Variants in CSMD2 observed in about 807,000 individuals in gnomAD.
CSMD2 encodes CUB and sushi domain-containing protein 2.
CSMD2 carries 130 observed loss-of-function variants against 398.5 expected under a neutral mutation model. That is an observed-to-expected ratio of 0.33 (90% CI 0.28 to 0.38). The LOEUF (loss-of-function observed/expected upper bound fraction) is 0.38, where lower values mean the gene tolerates loss of function less well. CSMD2 is among the 10% of genes least tolerant of loss of function. The pLI is 1.00. For synonymous variants in CSMD2, 1,828 were observed against 1,908.5 expected (o/e 0.96, Z 1.10); for missense variants, 3,829 against 4,764.9 (o/e 0.80, Z 5.78).
chr1:33,616,163 C>T (rs1048014585), intron 39 of CSMD2, among the ~76,000 whole-genome samples: 2 of 152,186 alleles, frequency 1.3e-5, no homozygotes, highest in Non-Finnish European at 2.9e-5. Context: ...TCATCACTGC[C>T]GTAGCACAGG....
intron 27 of CSMD2, among the ~76,000 whole-genome samples, chr1:33,654,880 A>C (rs528093400): frequency 6.6e-6 from 1 of 152,258 alleles, no homozygotes; most frequent in Admixed American, 6.5e-5. Context: ...GTGTTTCTGA[A>C]ACTGCCCCTG....
In CSMD2 at chr1:33,825,662, AGGCCCGGCAGGCGGGCTGGCGG is replaced by A; in HGVS notation, c.1111+13_1111+34del. On this transcript the variant is annotated intron_variant, in intron 7 of 70. Transcript: ENST00000373381. ...GCCTGCACGTGTGACCTCAAGCAAG[AGGCCCGGCAGGCGGGCTGGCGG>A]GCGGACACTTACACACAGACGTCTT... The A allele has an allele frequency of 6.3e-7, 1 of 1,596,150 alleles. No homozygotes were observed. Among genetic ancestry groups the A allele is most frequent in the African/African-American group, 1.3e-5 (1 of 74,708 alleles).
At chr1:33,759,324 CTTTTTTTTTTTT>C (rs756784492) in intron 13 of CSMD2, among the ~76,000 whole-genome samples, 1 of 124,782 alleles carries the variant, frequency 8.0e-6, no homozygotes, top group East Asian at 2.3e-4. Context: ...CTTTTTTTTT[CTTTTTTTTTTTT>C]TTTTTTTGAG....
chr1:33,754,023 C>G (rs868568753), intron 13 of CSMD2, among the ~76,000 whole-genome samples: 30 of 152,242 alleles, frequency 2.0e-4, no homozygotes, highest in African/African-American at 7.0e-4. Flanking sequence ...AGACTTAGGA[C>G]TTTTGGGTTC....
chr1:34,031,734 T>C (rs146799813), intron 3 of CSMD2, among the ~76,000 whole-genome samples: 164 of 141,524 alleles, frequency 1.2e-3, no homozygotes, highest in African/African-American at 4.0e-3. Flanking sequence ...AAGCATCGCT[T>C]ACTCTTTAAG....
chr1:33,756,319 G>A (rs577337174), intron 13 of CSMD2, among the ~76,000 whole-genome samples: 17 of 152,260 alleles, frequency 1.1e-4, no homozygotes, highest in African/African-American at 3.1e-4. Context: ...ATGGAGTGAC[G>A]GAGCACCTGC....
intron 53 of CSMD2, among the ~76,000 whole-genome samples, chr1:33,560,891 G>A (rs1658476692): frequency 6.6e-6 from 1 of 152,238 alleles, no homozygotes; most frequent in African/African-American, 2.4e-5. Context: ...ATGAGTAAGT[G>A]CATGAATGGA....
intron 10 of CSMD2, among the ~76,000 whole-genome samples, chr1:33,807,075 A>G (rs926325768): frequency 2.6e-5 from 4 of 152,230 alleles, no homozygotes; most frequent in Non-Finnish European, 5.9e-5. Context: ...ATAACATTAA[A>G]GAACAAGAAA....
chr1:33,900,825 A>C (rs1484145047), intron 5 of CSMD2, among the ~76,000 whole-genome samples: 2 of 152,228 alleles, frequency 1.3e-5, no homozygotes, highest in African/African-American at 4.8e-5. Context: ...GAGACCATGC[A>C]TATAAAAACC....
At chr1:33,874,995 A>G (rs1226897675) in intron 5 of CSMD2, among the ~76,000 whole-genome samples, 2 of 152,122 alleles carry the variant, frequency 1.3e-5, no homozygotes, top group African/African-American at 2.4e-5. Context: ...GGGTGAGGGA[A>G]CTTCCATGTG....
chr1:33,850,188 C>T (rs1225043897), intron 5 of CSMD2, among the ~76,000 whole-genome samples: 4 of 152,122 alleles, frequency 2.6e-5, no homozygotes, highest in South Asian at 2.1e-4. Context: ...GAAGCCTTCC[C>T]GGTTTGACTC....
At position 34,163,262 on chromosome 1, in the gene CSMD2, G is replaced by A. The variant is rs377363044; in HGVS notation, c.187+1649C>T. The stretch of plus-strand genomic sequence containing the variant: ...CCCACCGCCCATGTGGCAAGTCTGG[G>A]TGACCAGCAGCGTCGGTATGCACAG... On this transcript the variant is annotated intron_variant, in intron 1 of 70. Coordinates refer to ENST00000373381, the MANE Select transcript of CSMD2 (RefSeq NM_001281956.2). The surrounding 1 kb of genome is among the most constrained non-coding windows in gnomAD (Gnocchi z 5.4). Among the ~76,000 whole-genome samples the A allele has an allele frequency of 5.9e-5, 9 of 152,252 alleles. No homozygotes were observed. In the East Asian group the frequency reaches 1.7e-3, roughly 29 times the overall value.
chr1:33,640,446 G>A (rs934278926), intron 29 of CSMD2, among the ~76,000 whole-genome samples: 2 of 152,168 alleles, frequency 1.3e-5, no homozygotes, highest in East Asian at 1.9e-4. Flanking sequence ...CCCACAGGTC[G>A]GTGGCTGCCT....
At chr1:33,548,390 G>C (rs1289723552) in intron 56 of CSMD2, among the ~76,000 whole-genome samples, 1 of 152,190 alleles carries the variant, frequency 6.6e-6, no homozygotes, top group Non-Finnish European at 1.5e-5. Flanking sequence ...GAGGCAAAGA[G>C]AATGACAGTG....
At chr1:33,996,747 G>T (rs1006284471) in intron 3 of CSMD2, among the ~76,000 whole-genome samples, 1 of 144,218 alleles carries the variant, frequency 6.9e-6, no homozygotes, top group African/African-American at 2.5e-5. Context: ...AAGCAGAAAA[G>T]AAAAAGGAAG....
intron 41 of CSMD2, among the ~76,000 whole-genome samples, chr1:33,609,002 G>A (rs756393776): frequency 9.9e-5 from 15 of 152,188 alleles, no homozygotes; most frequent in African/African-American, 2.2e-4. Flanking sequence ...CATCCGACGC[G>A]TCATGACCTG....
chr1:33,834,027 C>T (rs1263002295), intron 6 of CSMD2, among the ~76,000 whole-genome samples: 3 of 146,206 alleles, frequency 2.1e-5, no homozygotes, highest in Non-Finnish European at 3.0e-5. Flanking sequence ...AAGAACATTC[C>T]ATGCTCATGG....
chr1:33,616,793 C>T lies in CSMD2; in HGVS notation c.6016+113G>A, dbSNP rs531560781. ...TTAAAATGACTGACTTGGAACAAAT[C>T]CAGAATATCAAACTTTCTTCTGATT... On this transcript the variant is annotated intron_variant, in intron 39 of 70. Transcript: ENST00000373381. 3.0e-5 allele frequency: 23 copies of T among 774,708 alleles called. 2 individuals are homozygous for T. The South Asian group carries it at 4.1e-4, about 14-fold the overall frequency. 48.0% of individuals were successfully genotyped at this position (774,708 alleles called of 1,614,324 possible).
intron 1 of CSMD2, among the ~76,000 whole-genome samples, chr1:34,092,448 C>T (rs1040786162): frequency 6.6e-6 from 1 of 152,156 alleles, no homozygotes; most frequent in African/African-American, 2.4e-5. Flanking sequence ...CAGCTCCCAG[C>T]GTGAGCGAGG....
Sources: gnomAD v4.1 joint callset for allele counts (sites outside exome capture counted in the v4.1 genomes callset) on GRCh38, gnomAD v4.1.1 for gene constraint, Gnocchi (gnomAD v3.1) non-coding constraint, MANE v1.5 for transcripts, NCBI Gene and HGNC (gene_info 2026-07-23, HGNC 2026-07-21) for gene names.